Variants in MIDEAS observed in about 807,000 individuals in gnomAD.
MIDEAS encodes mitotic deacetylase-associated SANT domain protein.
MIDEAS carries 26 observed loss-of-function variants against 102.7 expected under a neutral mutation model. The ratio of observed to expected loss-of-function variants is 0.25; its 90% CI spans 0.19 to 0.35. MIDEAS has a LOEUF of 0.35. Among genes scored for constraint, MIDEAS ranks in the 10% least tolerant of loss-of-function variants. MIDEAS has a pLI of 1.00. For missense variants in MIDEAS, 1,231 were observed against 1,435.6 expected (o/e 0.86, Z 2.30); for synonymous variants, 585 against 591.0 (o/e 0.99, Z 0.15).
At position 73,717,008 on chromosome 14, in the gene MIDEAS, G is replaced by A. The variant is rs1362771120; in HGVS notation, c.*1835C>T. The A allele has an allele frequency of 6.6e-6, 1 of 152,628 alleles. No homozygotes were observed. Among genetic ancestry groups the A allele is most frequent in the Non-Finnish European group, 1.5e-5 (1 of 68,068 alleles). 9.5% of individuals were successfully genotyped at this position (152,628 alleles called of 1,614,324 possible). A position where few individuals can be genotyped will look rare whatever the true frequency, so the allele number is the denominator to read the frequency against. On this transcript the variant is annotated 3_prime_UTR_variant, in exon 13 of 13. Coordinates refer to ENST00000423556, the MANE Select transcript of MIDEAS (RefSeq NM_001367710.1). ...GTGGAGGAAACTAACCGGTAAGCTGGGGATCTAGGTAGTCATCCAAGAGTC... is the reference window on the plus strand; with the variant it reads ...GTGGAGGAAACTAACCGGTAAGCTGAGGATCTAGGTAGTCATCCAAGAGTC...
intron 1 of MIDEAS, among the ~76,000 whole-genome samples, chr14:73,748,110 A>G (rs945702728): frequency 6.6e-6 from 1 of 152,214 alleles, no homozygotes; most frequent in African/African-American, 2.4e-5. Context: ...ATATCTATTT[A>G]ACATAAAGGA....
chr14:73,727,429 C>T (rs1356846979), intron 5 of MIDEAS, 29 bp downstream of exon 5: 2 of 1,613,140 alleles, frequency 1.2e-6, no homozygotes, highest in South Asian at 2.2e-5. Context: ...CCACCCACAC[C>T]CCTCGGCCAG....
At chr14:73,778,526 G>A (rs1221598699) in intron 1 of MIDEAS, among the ~76,000 whole-genome samples, 1 of 151,952 alleles carries the variant, frequency 6.6e-6, no homozygotes, top group Non-Finnish European at 1.5e-5. Flanking sequence ...ACCACCTCTA[G>A]TGCAAGTGGA....
intron 1 of MIDEAS, among the ~76,000 whole-genome samples, chr14:73,781,376 A>G (rs367935494): frequency 3.3e-5 from 5 of 152,230 alleles, no homozygotes; most frequent in African/African-American, 1.2e-4. Context: ...CAGTTTATAC[A>G]TAACTTTTCA....
intron 5 of MIDEAS, 27 bp from the exon 6 acceptor site, chr14:73,726,999 G>A (rs1270160597): frequency 6.4e-7 from 1 of 1,568,514 alleles, no homozygotes; most frequent in East Asian, 2.3e-5. Context: ...GGCAGGAAGT[G>A]AGGCCTCACC....
chr14:73,752,796 T>C (rs1205029920), intron 1 of MIDEAS, among the ~76,000 whole-genome samples: 1 of 152,190 alleles, frequency 6.6e-6, no homozygotes, highest in Non-Finnish European at 1.5e-5. Flanking sequence ...GGGCCTTTTC[T>C]CCTATGTTGA....
At chr14:73,765,244 G>C (rs1315884605), upstream of MIDEAS, among the ~76,000 whole-genome samples, 4 of 152,220 alleles carry the variant, frequency 2.6e-5, no homozygotes, top group Non-Finnish European at 5.9e-5. Context: ...GATTTTAAAT[G>C]AAAACAAATA....
chr14:73,723,650 A>G (rs929118515), intron 9 of MIDEAS: 1 of 152,266 alleles, frequency 6.6e-6, no homozygotes, highest in African/African-American at 2.4e-5. Context: ...ACATAGAGAA[A>G]GAGAAAGCAA....
intron 3 of MIDEAS, among the ~76,000 whole-genome samples, chr14:73,732,785 CAA>C (rs57681928): frequency 0.029 from 1,342 of 45,970 alleles, 25 homozygotes; most frequent in African/African-American, 0.095. Context: ...GACTCCCTCT[CAA>C]AAAAAAAAAA....
rs143153494 is a variant in MIDEAS at position 73,721,380 on chromosome 14, T to C, written c.2854A>G (p.Lys952Glu). The C allele has an allele frequency of 1.2e-4, 200 of 1,613,944 alleles. No individual in the cohort carries two copies. Among genetic ancestry groups the C allele is most frequent in the Admixed American group, 1.8e-4 (11 of 60,002 alleles). The change falls in exon 11 of 13, where the codon AAG becomes GAG. Residue 952 changes from lysine (K) to glutamate (E), a missense_variant. Transcript: ENST00000423556. ...TCTCGCCCCTCTTCCTGCTCCTCCTTCTCTTGGATCTCTGGCACCTCCTCC... is the reference window on the plus strand; with the variant it reads ...TCTCGCCCCTCTTCCTGCTCCTCCTCCTCTTGGATCTCTGGCACCTCCTCC... ...GEEEVPEIQE[K>E]EEQEEGRERS...
At chr14:73,754,752 C>T (rs1393847547) in intron 1 of MIDEAS, among the ~76,000 whole-genome samples, 1 of 152,046 alleles carries the variant, frequency 6.6e-6, no homozygotes, top group Non-Finnish European at 1.5e-5. Context: ...GCTCACATGC[C>T]GTCTCGGGGT....
At chr14:73,726,757 C>T (rs765115684) in intron 6 of MIDEAS, 50 bp from the exon 7 acceptor site, 39 of 1,611,236 alleles carry the variant, frequency 2.4e-5, no homozygotes, top group East Asian at 4.5e-5. Flanking sequence ...ACGTTCAGGG[C>T]GGGGCTGGGC....
upstream of MIDEAS, among the ~76,000 whole-genome samples, chr14:73,788,002 C>T (rs1260775275): frequency 2.0e-5 from 3 of 152,234 alleles, no homozygotes; most frequent in East Asian, 5.8e-4. Context: ...TGAAATTTAT[C>T]ATTGCTCAAA....
At chr14:73,757,949 C>T (rs991833607) in intron 1 of MIDEAS, among the ~76,000 whole-genome samples, 1 of 152,164 alleles carries the variant, frequency 6.6e-6, no homozygotes, top group African/African-American at 2.4e-5. Flanking sequence ...GACAGAGTCA[C>T]GGGAGTGGGG....
intron 1 of MIDEAS, among the ~76,000 whole-genome samples, chr14:73,765,415 C>T (rs2053585298): frequency 6.6e-6 from 1 of 152,182 alleles, no homozygotes; most frequent in African/African-American, 2.4e-5. Flanking sequence ...ATAGTAAGAG[C>T]TTACTTAAAC....
chr14:73,746,318 T>C (rs17182565), intron 1 of MIDEAS, among the ~76,000 whole-genome samples: 22,767 of 152,172 alleles, frequency 0.15, 2,073 homozygotes, highest in South Asian at 0.29. Context: ...CAGAAAAGGA[T>C]TAAGCCTCCA....
chr14:73,719,636 C>T, intron 11 of MIDEAS, 135 bp from the exon 12 acceptor site: 2 of 813,582 alleles, frequency 2.5e-6, no homozygotes, highest in South Asian at 1.7e-5. Context: ...CACTTGGGTC[C>T]TTCCAGGGAT....
chr14:73,770,504 G>A (rs1398671736), intron 1 of MIDEAS, among the ~76,000 whole-genome samples: 3 of 152,164 alleles, frequency 2.0e-5, no homozygotes, highest in African/African-American at 7.2e-5. Flanking sequence ...AATGTAAACC[G>A]GGAGAGGAGG....
At chr14:73,770,501 A>C (rs545741456) in intron 1 of MIDEAS, among the ~76,000 whole-genome samples, 1 of 152,108 alleles carries the variant, frequency 6.6e-6, no homozygotes, top group Non-Finnish European at 1.5e-5. Flanking sequence ...AGGAATGTAA[A>C]CCGGGAGAGG....
Sources: allele counts gnomAD v4.1 joint callset (sites outside exome capture counted in the v4.1 genomes callset), GRCh38; gene constraint gnomAD v4.1.1; transcripts MANE v1.5; gene names NCBI Gene and HGNC (gene_info 2026-07-23, HGNC 2026-07-21).